SF3B1: variants seen among roughly 807,000 people sequenced by gnomAD.
SF3B1 encodes the protein splicing factor 3b subunit 1, also known as pre-mRNA processing 10.
A neutral mutation model predicts 153.8 loss-of-function variants in SF3B1; 12 were observed. That is an observed-to-expected ratio of 0.08 (90% CI 0.05 to 0.13). The LOEUF is 0.13. Among genes scored for constraint, SF3B1 ranks in the 10% least tolerant of loss-of-function variants. The pLI is 1.00. For synonymous variants in SF3B1, 498 were observed against 525.2 expected (o/e 0.95, Z 0.71); for missense variants, 513 against 1,606.1 (o/e 0.32, Z 11.63).
intron 5 of SF3B1, 71 bp from the exon 6 acceptor site, chr2:197,416,982 T>G: frequency 7.0e-7 from 1 of 1,425,410 alleles, no homozygotes; most frequent in Admixed American, 1.9e-5. Context: ...CGCAATCACT[T>G]CCACTTAACA....
intron 1 of SF3B1, among the ~76,000 whole-genome samples, chr2:197,430,194 G>C (rs899463501): frequency 6.6e-6 from 1 of 152,114 alleles, no homozygotes. Context: ...AAGTTTAAAA[G>C]AATGGGTAAA....
At chr2:197,424,493 C>CAA (rs11344645) in intron 1 of SF3B1, among the ~76,000 whole-genome samples, 10 of 105,192 alleles carry the variant, frequency 9.5e-5, no homozygotes, top group East Asian at 2.9e-4. Context: ...CTCTATCTCT[C>CAA]AAAAAAAAAA....
At chr2:197,418,451 A>G (rs756545417) in intron 5 of SF3B1, 58 bp downstream of exon 5, 122 of 1,303,188 alleles carry the variant, frequency 9.4e-5, no homozygotes, top group South Asian at 3.7e-4. Context: ...CAGTCTCTCA[A>G]TCACAACTGT....
rs201590389 is a variant in SF3B1 at position 197,392,489 on chromosome 2, T to G, written c.3757-28A>C. ...AAAATAATTGAACGGTTACATTATT[T>G]CAATTTTTAAGAACATACATAACCT... On this transcript the variant is annotated intron_variant, in intron 24 of 24. Coordinates refer to ENST00000335508, the MANE Select transcript of SF3B1 (RefSeq NM_012433.4). 492 of 1,037,820 alleles carry G rather than the reference T, an allele frequency of 4.7e-4. 1 individual carries two copies. Among genetic ancestry groups the G allele is most frequent in the Middle Eastern group, 4.8e-4 (2 of 4,208 alleles). The allele number at this position is 1,037,820 out of a possible 1,614,324, so 64.3% of individuals were successfully genotyped here. A position where few individuals can be genotyped will look rare whatever the true frequency, so the allele number is the denominator to read the frequency against.
At chr2:197,399,904 G>T in intron 20 of SF3B1, 151 bp downstream of exon 20, 2 of 599,924 alleles carry the variant, frequency 3.3e-6, no homozygotes, top group Non-Finnish European at 5.9e-6. Flanking sequence ...CAAGACTTTT[G>T]TGACATCCCC....
Position 197,409,763 on chromosome 2 carries a change from G to A in SF3B1, c.904+7C>T. 6.2e-7 allele frequency: 1 copy of A among 1,601,428 alleles called. No individual in the cohort carries two copies. Among genetic ancestry groups the A allele is most frequent in the Non-Finnish European group, 8.6e-7 (1 of 1,168,564 alleles). On this transcript the variant is annotated splice_region_variant and intron_variant, in intron 7 of 24. Transcript: ENST00000335508. ...TCACCCACACACCCATACTCCACTA[G>A]AAGTACCTCTCTCTGTTTTGGGGGT...
rs760999962 is a variant in SF3B1, at chr2:197,421,145, A to G, written c.196-12T>C. 6.4e-7 allele frequency: 1 copy of G among 1,558,920 alleles called. No homozygotes were observed. Among genetic ancestry groups the G allele is most frequent in the Non-Finnish European group, 8.8e-7 (1 of 1,135,146 alleles). ...TAGTCATCGTCATCCTGCAATGAAA[A>G]CCCCCCAAAAAGCCATAAACAAAAT... On this transcript the variant is annotated splice_polypyrimidine_tract_variant and intron_variant, in intron 2 of 24. Transcript: ENST00000335508.
chr2:197,405,050 T>C, intron 11 of SF3B1, 26 bp downstream of exon 11: 5 of 1,438,492 alleles, frequency 3.5e-6, no homozygotes, highest in African/African-American at 1.4e-5. Flanking sequence ...GCAACAAACA[T>C]GACAATTTAA....
intron 2 of SF3B1, among the ~76,000 whole-genome samples, chr2:197,421,645 G>A (rs1332120396): frequency 6.6e-6 from 1 of 152,134 alleles, no homozygotes; most frequent in Non-Finnish European, 1.5e-5. Flanking sequence ...GCCAAGGTGG[G>A]AGAATGGCTT....
chr2:197,416,350 C>G (rs1553565609), intron 6 of SF3B1, among the ~76,000 whole-genome samples: 1 of 152,130 alleles, frequency 6.6e-6, no homozygotes, highest in Non-Finnish European at 1.5e-5. Flanking sequence ...TTGCATGCCC[C>G]TCAAAATCTG....
rs932149799 is a variant in SF3B1, at chr2:197,392,208, C to T, written c.*95G>A. On this transcript the variant is annotated 3_prime_UTR_variant, in exon 25 of 25. Coordinates refer to ENST00000335508, the MANE Select transcript of SF3B1 (RefSeq NM_012433.4). ...AGCTCTTCCTCTATGACCAGTTCTACACTGATCTGCAATGTTTAAAAGTTT... is the reference window on the plus strand; with the variant it reads ...AGCTCTTCCTCTATGACCAGTTCTATACTGATCTGCAATGTTTAAAAGTTT... 1 of 633,320 alleles carries T rather than the reference C, an allele frequency of 1.6e-6. No homozygotes were observed. The highest frequency in any genetic ancestry group is 2.8e-6 in the Non-Finnish European group (1 of 353,194). 39.2% of individuals were successfully genotyped at this position (633,320 alleles called of 1,614,324 possible). A position where few individuals can be genotyped will look rare whatever the true frequency, so the allele number is the denominator to read the frequency against.
At chr2:197,430,084 A>G (rs2085403884) in intron 1 of SF3B1, among the ~76,000 whole-genome samples, 1 of 152,262 alleles carries the variant, frequency 6.6e-6, no homozygotes, top group South Asian at 2.1e-4. Context: ...GAGATAAATC[A>G]TTAAATCACA....
intron 1 of SF3B1, among the ~76,000 whole-genome samples, chr2:197,428,619 C>T (rs531940321): frequency 2.6e-5 from 4 of 152,182 alleles, no homozygotes; most frequent in Admixed American, 6.5e-5. Flanking sequence ...ACTGGCTGAG[C>T]GCGGTGGCTC....
At chr2:197,413,860 G>A (rs1176182054) in intron 6 of SF3B1, among the ~76,000 whole-genome samples, 1 of 151,648 alleles carries the variant, frequency 6.6e-6, no homozygotes, top group Admixed American at 6.6e-5. Flanking sequence ...AGACTGAAGT[G>A]CAGTGGCACG....
At position 197,401,461 on chromosome 2, in the gene SF3B1, G is replaced by A. The variant is rs750740771; in HGVS notation, c.2435C>T (p.Pro812Leu). Residue 812 changes from proline to leucine, a missense_variant, in exon 17 of 25, where the codon CCT becomes CTT. By Grantham distance (98) the Pro-to-Leu change is moderately conservative (BLOSUM62 -3). Transcript: ENST00000335508. The surrounding 1 kb of genome is among the most constrained non-coding windows in gnomAD (Gnocchi z 4.2). ...EANYIKTEIL[P>L]PFFKHFWQHR... ...CTGCCAGAAGTGTTTAAAAAAGGGA[G>A]GAAGAATCTCTGTTTTAATGTAGTT... The A allele has an allele frequency of 6.2e-7, 1 of 1,611,536 alleles. No homozygotes were observed. Among genetic ancestry groups the A allele is most frequent in the African/African-American group, 1.3e-5 (1 of 74,826 alleles).
In SF3B1 at chr2:197,401,150, T is replaced by C. The variant is rs1250653000; in HGVS notation, c.2497-214A>G. ...ATGATTCAAGGTAAAACTGTGTCCA[T>C]GTTTCATCTAGCCAGATAAAGCACT... On this transcript the variant is annotated intron_variant, in intron 17 of 24. Coordinates refer to ENST00000335508, the MANE Select transcript of SF3B1 (RefSeq NM_012433.4). The surrounding 1 kb of genome is among the most constrained non-coding windows in gnomAD (Gnocchi z 4.2). Among the ~76,000 whole-genome samples, 2 of 152,222 alleles carry C rather than the reference T, an allele frequency of 1.3e-5. No individual in the cohort carries two copies. The highest frequency in any genetic ancestry group is 1.9e-4 in the East Asian group (1 of 5,204).
intron 21 of SF3B1, 141 bp downstream of exon 21, chr2:197,398,320 T>G (rs1013321513): frequency 1.2e-5 from 12 of 1,017,576 alleles, no homozygotes; most frequent in African/African-American, 8.1e-5. Context: ...AAATTGAAAT[T>G]TGACTGAAAA....
At chr2:197,420,563 C>A in intron 3 of SF3B1, 21 bp from the exon 4 acceptor site, 2 of 1,436,654 alleles carry the variant, frequency 1.4e-6, no homozygotes, top group Non-Finnish European at 9.6e-7. Context: ...GTATGTCTCA[C>A]TTAATATCCA....
At position 197,402,084 on chromosome 2, in the gene SF3B1, G is replaced by T. The variant is rs754143658; in HGVS notation, c.2124C>A (p.Ala708=). ...TTGCTGCTTCAGCCAAGGCAGCAAT[G>T]GCCAAAGCACTGATGGTCCGAACTT... ...QQKVRTISAL[A]IAALAEAATP... The change falls in exon 15 of 25, where the codon GCC becomes GCA. Residue 708 remains alanine (A), a synonymous_variant. Coordinates refer to ENST00000335508, the MANE Select transcript of SF3B1 (RefSeq NM_012433.4). This position sits in a 1 kb window ranked among gnomAD's most constrained non-coding sequence, Gnocchi z 4.6. 6.2e-7 allele frequency: 1 copy of T among 1,613,034 alleles called. No individual in the cohort carries two copies. The highest frequency in any genetic ancestry group is 8.5e-7 in the Non-Finnish European group (1 of 1,179,350).
Sources: allele counts gnomAD v4.1 joint callset (sites outside exome capture counted in the v4.1 genomes callset), GRCh38; gene constraint gnomAD v4.1.1; non-coding constraint Gnocchi (gnomAD v3.1); transcripts MANE v1.5; gene names NCBI Gene and HGNC (gene_info 2026-07-23, HGNC 2026-07-21).